Variants in WDFY1 observed in about 807,000 individuals in gnomAD.
WDFY1 encodes WD repeat and FYVE domain containing 1, also known as WD repeat and FYVE domain-containing protein 1.
WDFY1 carries 32 observed loss-of-function variants against 56.4 expected under a neutral mutation model. The observed-to-expected ratio is 0.57, with a 90% CI of 0.43 to 0.76. WDFY1 has a LOEUF of 0.76. WDFY1 is among the 30% of genes least tolerant of loss of function. The pLI is 0.00. For missense variants in WDFY1, 480 were observed against 545.7 expected, an observed-to-expected ratio of 0.88 and a Z score of 1.20; for synonymous variants, 192 against 197.3, an observed-to-expected ratio of 0.97 and a Z score of 0.23.
At position 223,894,223 on chromosome 2, in the gene WDFY1, T is replaced by C. The variant is rs1156998468; in HGVS notation, c.831+11A>G. On this transcript the variant is annotated intron_variant, in intron 8 of 11. Transcript: ENST00000233055. ...TCCCCCGATCAGCCTGGACTTGCCC[T>C]TGTCTCTTACCTCTTCTCTGCTAAC... The C allele has an allele frequency of 5.0e-6, 8 of 1,614,040 alleles. No individual in the cohort carries two copies. Among genetic ancestry groups the C allele is most frequent in the African/African-American group, 1.3e-5 (1 of 75,068 alleles).
At chr2:223,897,392 T>TATATATATATATA (rs1559166027) in intron 6 of WDFY1, among the ~76,000 whole-genome samples, 1 of 78,072 alleles carries the variant, frequency 1.3e-5, no homozygotes, top group African/African-American at 4.5e-5. Context: ...ATATATATAT[T>TATATATATATATA]TTTTAAGACG....
Position 223,912,262 on chromosome 2 carries a change from T to C in WDFY1, c.270A>G (p.Gly90=). 2 of 1,609,068 alleles carry C rather than the reference T, an allele frequency of 1.2e-6. No individual in the cohort carries two copies. Among genetic ancestry groups the C allele is most frequent in the Non-Finnish European group, 1.7e-6 (2 of 1,178,648 alleles). Residue 90 remains glycine, a synonymous_variant, in exon 3 of 12, where the codon GGA becomes GGG. Transcript: ENST00000233055. The part of the protein sequence containing the change: ...SRRIFVGQDN[G]AVMEFHVSED... ...TCTAAAAGCTACCTACCATTACAGC[T>C]CCATTATCCTGGCCCACAAATATCC...
At chr2:223,889,770 A>C (rs1228964565) in intron 8 of WDFY1, among the ~76,000 whole-genome samples, 1 of 152,238 alleles carries the variant, frequency 6.6e-6, no homozygotes, top group Non-Finnish European at 1.5e-5. Context: ...ATACCTCATA[A>C]GGTTGTGAGG....
At chr2:223,942,223 C>CTT (rs777737121) in intron 1 of WDFY1, among the ~76,000 whole-genome samples, 1 of 146,602 alleles carries the variant, frequency 6.8e-6, no homozygotes, top group Non-Finnish European at 1.5e-5. Flanking sequence ...AGGCTGCTAA[C>CTT]TTTTTTTTTT....
chr2:223,880,476 A>G (rs1240148545), intron 10 of WDFY1, among the ~76,000 whole-genome samples: 1 of 151,908 alleles, frequency 6.6e-6, no homozygotes, highest in African/African-American at 2.4e-5. Flanking sequence ...GTGTGGTGGC[A>G]CACGCCTGTA....
chr2:223,899,563 G>A (rs1385235544), intron 5 of WDFY1, among the ~76,000 whole-genome samples: 1 of 152,078 alleles, frequency 6.6e-6, no homozygotes, highest in African/African-American at 2.4e-5. Flanking sequence ...TGGCCAACAT[G>A]GTGAAACCCC....
chr2:223,922,832 T>C (rs924843192), intron 1 of WDFY1, among the ~76,000 whole-genome samples: 1 of 152,216 alleles, frequency 6.6e-6, no homozygotes, highest in African/African-American at 2.4e-5. Context: ...GTTAATTTCA[T>C]ACAGCTTTAG....
chr2:223,930,416 G>A (rs1694055053), intron 1 of WDFY1, among the ~76,000 whole-genome samples: 1 of 152,136 alleles, frequency 6.6e-6, no homozygotes, highest in Non-Finnish European at 1.5e-5. Flanking sequence ...TGCAACCTCC[G>A]CCTACCGGGT....
At chr2:223,920,265 C>T (rs1416066610) in intron 1 of WDFY1, among the ~76,000 whole-genome samples, 2 of 152,242 alleles carry the variant, frequency 1.3e-5, no homozygotes, top group East Asian at 1.9e-4. Context: ...TGACCCGCTG[C>T]TCAAGTGTGC....
Position 223,901,234 on chromosome 2 carries a change from C to T in WDFY1, c.434G>A (p.Ser145Asn). The T allele has an allele frequency of 6.2e-7, 1 of 1,614,146 alleles. No homozygotes were observed. ...DKCVSWMCTRSGNMLGRHFFT... is the reference protein window; with the variant it reads ...DKCVSWMCTRNGNMLGRHFFT... ...GAAGTGCCTCCCGAGCATGTTCCCG[C>T]TCCGCGTGCACATCCAGCTCACACA... Residue 145 changes from serine to asparagine, a missense_variant, in exon 5 of 12, where the codon AGC (serine) becomes AAC (asparagine). Physicochemically the swap from Ser to Asn is conservative, Grantham distance 46 (BLOSUM62 1). Coordinates refer to ENST00000233055, the MANE Select transcript of WDFY1 (RefSeq NM_020830.5).
chr2:223,907,676 T>A (rs1693620674), intron 3 of WDFY1, among the ~76,000 whole-genome samples: 1 of 152,196 alleles, frequency 6.6e-6, no homozygotes, highest in Non-Finnish European at 1.5e-5. Context: ...ATGCACATGA[T>A]GATATTCCTA....
At chr2:223,897,390 A>ATATATATATATT (rs1461451983) in intron 6 of WDFY1, among the ~76,000 whole-genome samples, 3 of 125,992 alleles carry the variant, frequency 2.4e-5, no homozygotes, top group African/African-American at 8.9e-5. Context: ...ATATATATAT[A>ATATATATATATT]TTTTTTAAGA....
intron 6 of WDFY1, among the ~76,000 whole-genome samples, chr2:223,897,390 A>ATATATATATATATATT (rs1461451983): frequency 7.9e-6 from 1 of 125,994 alleles, no homozygotes; most frequent in East Asian, 2.3e-4. Flanking sequence ...ATATATATAT[A>ATATATATATATATATT]TTTTTTAAGA....
In WDFY1 at chr2:223,882,057, A is replaced by G; in HGVS notation, c.949T>C (p.Cys317Arg). ...LGLRQHHCRKCGQAVCGKCSS... is the reference protein window; with the variant it reads ...LGLRQHHCRKRGQAVCGKCSS... Reference sequence around the variant, plus strand: ...CACTTCCCGCAGACAGCCTGCCCGCATTTCCTGCAGTGATGCTTCACAGGT... The same window carrying G: ...CACTTCCCGCAGACAGCCTGCCCGCGTTTCCTGCAGTGATGCTTCACAGGT... Residue 317 changes from cysteine (C) to arginine (R), a missense_variant, in exon 10 of 12, where the codon TGC (cysteine) becomes CGC (arginine). Coordinates refer to ENST00000233055, the MANE Select transcript of WDFY1 (RefSeq NM_020830.5). The G allele has an allele frequency of 6.2e-7, 1 of 1,613,640 alleles. No homozygotes were observed. Among genetic ancestry groups the G allele is most frequent in the Non-Finnish European group, 8.5e-7 (1 of 1,179,704 alleles).
chr2:223,929,189 GTTTTTTTT>G (rs566936287), intron 1 of WDFY1, among the ~76,000 whole-genome samples: 1 of 28,922 alleles, frequency 3.5e-5, no homozygotes, highest in Non-Finnish European at 1.8e-4. Context: ...TCTGTTTTTT[GTTTTTTTT>G]TTTTTTTGAG....
chr2:223,923,536 T>C (rs1211217998), intron 1 of WDFY1, among the ~76,000 whole-genome samples: 2 of 151,956 alleles, frequency 1.3e-5, no homozygotes, highest in Non-Finnish European at 2.9e-5. Flanking sequence ...CCGAGGCGGG[T>C]GGATCACAAG....
chr2:223,926,986 G>A (rs2106097750), intron 1 of WDFY1, among the ~76,000 whole-genome samples: 1 of 152,250 alleles, frequency 6.6e-6, no homozygotes, highest in East Asian at 1.9e-4. Context: ...ATAATATTTT[G>A]AAAGGAATCT....
intron 1 of WDFY1, among the ~76,000 whole-genome samples, chr2:223,927,617 T>A (rs1372153406): frequency 6.6e-6 from 1 of 152,208 alleles, no homozygotes; most frequent in Non-Finnish European, 1.5e-5. Context: ...TAAACCTTTC[T>A]CCGTATCATC....
intron 11 of WDFY1, 101 bp from the exon 12 acceptor site, chr2:223,878,831 G>A (rs1693015586): frequency 2.9e-6 from 4 of 1,388,140 alleles, no homozygotes; most frequent in Admixed American, 2.1e-5. Context: ...CTGAAAAGGT[G>A]TCAAATTAAT....
Sources: allele counts gnomAD v4.1 joint callset (sites outside exome capture counted in the v4.1 genomes callset), GRCh38; gene constraint gnomAD v4.1.1; transcripts MANE v1.5; gene names NCBI Gene and HGNC (gene_info 2026-07-23, HGNC 2026-07-21).